The following EIF3A variants were observed in gnomAD, a reference collection of about 807,000 sequenced individuals.
EIF3A encodes the protein eukaryotic translation initiation factor 3 subunit A, also known as EIF3, p180 subunit.
EIF3A carries 21 observed loss-of-function variants against 186.6 expected under a neutral mutation model. The ratio of observed to expected loss-of-function variants is 0.11; its 90% confidence interval spans 0.08 to 0.16. EIF3A has a LOEUF of 0.16. Ranked by LOEUF, EIF3A falls within the 10% of genes least tolerant of loss-of-function variation. EIF3A has a pLI of 1.00. For synonymous variants in EIF3A, 563 were observed against 584.3 expected, an observed-to-expected ratio of 0.96 and a Z score of 0.52; for missense variants, 1,306 against 1,796.3, an observed-to-expected ratio of 0.73 and a Z score of 4.93.
chr10:119,057,910 A>T, intron 12 of EIF3A, 46 bp downstream of exon 12: 2 of 1,483,562 alleles, frequency 1.3e-6, no homozygotes, highest in Non-Finnish European at 1.8e-6. Flanking sequence ...AAGAGTACAA[A>T]ATACCTGGAT....
In EIF3A at chr10:119,059,699, C is replaced by T. The variant is rs1027319681; in HGVS notation, c.1346G>A (p.Ser449Asn). 4.3e-6 allele frequency: 7 copies of T among 1,613,648 alleles called. No individual in the cohort carries two copies. The highest frequency in any genetic ancestry group is 1.7e-5 in the Admixed American group (1 of 60,020). Residue 449 changes from serine (S) to asparagine (N), a missense_variant, in exon 10 of 22, where the codon AGC (serine) becomes AAC (asparagine). Coordinates refer to ENST00000369144, the MANE Select transcript of EIF3A (RefSeq NM_003750.4). ...LLQQVSQIYQ[S>N]IEFSRLTSLV... Reference sequence around the variant, plus strand: ...AGAAGTCAAACGAGAAAACTCAATGCTCTGATAAATCTGTGACACCTGCAT... The same window carrying T: ...AGAAGTCAAACGAGAAAACTCAATGTTCTGATAAATCTGTGACACCTGCAT...
intron 14 of EIF3A, among the ~76,000 whole-genome samples, chr10:119,052,577 T>C (rs1226623113): frequency 6.6e-6 from 1 of 152,022 alleles, no homozygotes; most frequent in African/African-American, 2.4e-5. Context: ...GGTTTCACCA[T>C]GTTGCCCAGG....
chr10:119,062,786 C>T (rs560355405), intron 7 of EIF3A, among the ~76,000 whole-genome samples: 2 of 112,602 alleles, frequency 1.8e-5, no homozygotes, highest in East Asian at 6.1e-4. Context: ...CTTGCTCTGT[C>T]ACCCAGGCTA....
intron 8 of EIF3A, 136 bp downstream of exon 8, chr10:119,061,088 G>GA: frequency 3.5e-6 from 2 of 572,198 alleles, no homozygotes; most frequent in Non-Finnish European, 6.1e-6. Flanking sequence ...TTGAAATAAA[G>GA]AAAAAAGACA....
At chr10:119,074,617 TC>T (rs985718069) in intron 1 of EIF3A, among the ~76,000 whole-genome samples, 4 of 151,096 alleles carry the variant, frequency 2.6e-5, no homozygotes, top group African/African-American at 9.8e-5. Context: ...TCTAAAAAAT[TC>T]TTTTTTTTTT....
At chr10:119,051,163 C>A (rs770425140) in intron 15 of EIF3A, 36 bp downstream of exon 15, 19 of 1,576,116 alleles carry the variant, frequency 1.2e-5, no homozygotes, top group Non-Finnish European at 1.6e-5. Context: ...CTAGAAAGCT[C>A]ATGAATAAAC....
chr10:119,059,268 C>T lies in EIF3A; in HGVS notation c.1573G>A (p.Ala525Thr). ...GCTTTTGCAAGTACTGAGGACATGGCTGTCAGCTGGTTTCTTATCTGCTCT... is the reference window on the plus strand; with the variant it reads ...GCTTTTGCAAGTACTGAGGACATGGTTGTCAGCTGGTTTCTTATCTGCTCT... Reference protein sequence around the residue: ...PSEQIRNQLTAMSSVLAKALE... With the variant: ...PSEQIRNQLTTMSSVLAKALE... The change falls in exon 11 of 22, where the codon GCC becomes ACC. Residue 525 changes from alanine to threonine, a missense_variant. Around this residue, in one of 8 missense-constraint regions of EIF3A, gnomAD observed 44 missense variants for 43.4 expected, o/e 1.01. Coordinates refer to ENST00000369144, the MANE Select transcript of EIF3A (RefSeq NM_003750.4). The T allele has an allele frequency of 6.2e-7, 1 of 1,614,192 alleles. No individual in the cohort carries two copies. Among genetic ancestry groups the T allele is most frequent in the Non-Finnish European group, 8.5e-7 (1 of 1,180,034 alleles).
At chr10:119,036,986 G>T (rs1848137497) in intron 21 of EIF3A, 133 bp downstream of exon 21, 2 of 694,458 alleles carry the variant, frequency 2.9e-6, no homozygotes, top group Non-Finnish European at 4.9e-6. Context: ...TGAAAATCAT[G>T]AATTCTAAAT....
chr10:119,047,188 A>T (rs181400062), intron 17 of EIF3A, among the ~76,000 whole-genome samples: 4 of 152,138 alleles, frequency 2.6e-5, no homozygotes, highest in African/African-American at 9.7e-5. Flanking sequence ...GAATTGCTTG[A>T]AACTGGGAGG....
At chr10:119,063,612 C>G (rs1189680071) in intron 7 of EIF3A, among the ~76,000 whole-genome samples, 3 of 152,128 alleles carry the variant, frequency 2.0e-5, no homozygotes, top group Non-Finnish European at 4.4e-5. Flanking sequence ...TCTCTTACCC[C>G]AAAGTAATCT....
In EIF3A at chr10:119,035,963, T is replaced by TGAA; in HGVS notation, c.*73_*75dup. 8.8e-7 allele frequency: 1 copy of TGAA among 1,141,028 alleles called. No individual in the cohort carries two copies. Among genetic ancestry groups the TGAA allele is most frequent in the East Asian group, 2.4e-5 (1 of 42,278 alleles). The allele number at this position is 1,141,028 out of a possible 1,614,324, so 70.7% of individuals were successfully genotyped here. A position where few individuals can be genotyped will look rare whatever the true frequency, so the allele number is the denominator to read the frequency against. ...ATTAAAGAATCCAATTTAGATTGGT[T>TGAA]GAAGCACAAGTATAATAATCCTTGA... On this transcript the variant is annotated 3_prime_UTR_variant, in exon 22 of 22. Coordinates refer to ENST00000369144, the MANE Select transcript of EIF3A (RefSeq NM_003750.4).
intron 1 of EIF3A, among the ~76,000 whole-genome samples, chr10:119,079,398 A>G (rs1844226889): frequency 6.6e-6 from 1 of 152,190 alleles, no homozygotes; most frequent in Non-Finnish European, 1.5e-5. Flanking sequence ...GCTGACTCAA[A>G]CTGCCATTTT....
intron 14 of EIF3A, among the ~76,000 whole-genome samples, chr10:119,054,463 C>G (rs372203613): frequency 6.6e-6 from 1 of 151,440 alleles, no homozygotes; most frequent in East Asian, 2.0e-4. Context: ...GCCTGTAATC[C>G]CAGCACTTTG....
chr10:119,041,177 CA>C (rs1370981686), intron 19 of EIF3A, among the ~76,000 whole-genome samples: 1 of 151,468 alleles, frequency 6.6e-6, no homozygotes, highest in East Asian at 1.9e-4. Context: ...GACTCCACCT[CA>C]AAAAGAAAAA....
intron 12 of EIF3A, among the ~76,000 whole-genome samples, chr10:119,057,521 C>T (rs144362027): frequency 2.1e-3 from 320 of 152,256 alleles, no homozygotes; most frequent in Admixed American, 3.3e-3. Context: ...ACACCTATAA[C>T]CCCAGCAATT....
chr10:119,074,449 G>A (rs1470695694), intron 1 of EIF3A, among the ~76,000 whole-genome samples: 3 of 143,816 alleles, frequency 2.1e-5, no homozygotes, highest in South Asian at 2.3e-4. Context: ...TGGGTGACAA[G>A]AGCGAAATTC....
In EIF3A at chr10:119,035,257, C is replaced by T. The variant is rs547940813; in HGVS notation, c.*782G>A. The T allele has an allele frequency of 4.6e-5, 7 of 152,616 alleles. No homozygotes were observed. Among genetic ancestry groups the T allele is most frequent in the South Asian group, 2.1e-4 (1 of 4,818 alleles). The allele number at this position is 152,616 out of a possible 1,614,324, so 9.5% of individuals were successfully genotyped here. A position where few individuals can be genotyped will look rare whatever the true frequency, so the allele number is the denominator to read the frequency against. On this transcript the variant is annotated 3_prime_UTR_variant, in exon 22 of 22. Coordinates refer to ENST00000369144, the MANE Select transcript of EIF3A (RefSeq NM_003750.4). Reference sequence around the variant, plus strand: ...ATTTAAACGATTCCTCCAAACCATACATTTATAAATATTGTCATATTTAAA... The same window carrying T: ...ATTTAAACGATTCCTCCAAACCATATATTTATAAATATTGTCATATTTAAA...
In EIF3A at chr10:119,080,622, A is replaced by C. The variant is rs767828557; in HGVS notation, c.49+6T>G. On this transcript the variant is annotated splice_donor_region_variant and intron_variant, in intron 1 of 21. Transcript: ENST00000369144. ...CCAGCCCGGCGCGCCCCGATCAGCT[A>C]CTCACCGTTGGCGCGTTTGAGGGCA... 1 of 1,586,992 alleles carries C rather than the reference A, an allele frequency of 6.3e-7. No individual in the cohort carries two copies. Among genetic ancestry groups the C allele is most frequent in the South Asian group, 1.1e-5 (1 of 87,484 alleles).
intron 1 of EIF3A, among the ~76,000 whole-genome samples, chr10:119,074,460 C>T (rs556048611): frequency 1.0e-5 from 1 of 96,940 alleles, no homozygotes. Context: ...AGCGAAATTC[C>T]GTGTCTCAAA....
Sources: gnomAD v4.1 joint callset for allele counts (sites outside exome capture counted in the v4.1 genomes callset) on GRCh38, gnomAD v4.1.1 for gene constraint, gnomAD v4.1.1 regional missense constraint, MANE v1.5 for transcripts, NCBI Gene and HGNC (gene_info 2026-07-23, HGNC 2026-07-21) for gene names.